The following SBF2 variants were observed in gnomAD, a reference collection of about 807,000 sequenced individuals.
The protein encoded by SBF2 is myotubularin-related protein 13.
SBF2 carries 112 observed loss-of-function variants against 225.2 expected under a neutral mutation model. The ratio of observed to expected loss-of-function variants is 0.50; its 90% CI spans 0.43 to 0.58. SBF2 has a LOEUF of 0.58. SBF2 is among the 20% of genes least tolerant of loss of function. SBF2 has a pLI of 0.00. For synonymous variants in SBF2, 763 were observed against 773.3 expected (o/e 0.99, Z 0.22); for missense variants, 1,996 against 2,206.2 (o/e 0.90, Z 1.91).
At chr11:10,278,807 A>C (rs923464565) in intron 1 of SBF2, among the ~76,000 whole-genome samples, 3 of 151,358 alleles carry the variant, frequency 2.0e-5, no homozygotes, top group Non-Finnish European at 2.9e-5. Flanking sequence ...AAAAAAAAGA[A>C]ATACAATTCC....
intron 16 of SBF2, among the ~76,000 whole-genome samples, chr11:9,954,890 A>C (rs1866061484): frequency 6.6e-6 from 1 of 152,080 alleles, no homozygotes; most frequent in Admixed American, 6.5e-5. Flanking sequence ...AAAGCTCCAA[A>C]ATGGTTTTTG....
At chr11:10,083,646 ATGG>A (rs1195603640) in intron 2 of SBF2, among the ~76,000 whole-genome samples, 1 of 152,234 alleles carries the variant, frequency 6.6e-6, no homozygotes, top group East Asian at 1.9e-4. Context: ...TATTCAATAA[ATGG>A]TGCTAGGGAA....
chr11:10,222,904 T>C (rs962319601), intron 1 of SBF2, among the ~76,000 whole-genome samples: 1 of 152,140 alleles, frequency 6.6e-6, no homozygotes, highest in African/African-American at 2.4e-5. Context: ...GGACAGATAA[T>C]GTCCTTTAGG....
chr11:10,239,311 A>G lies in SBF2; in HGVS notation c.56-45324T>C, dbSNP rs1162332277. On this transcript the variant is annotated intron_variant, in intron 1 of 39. Coordinates refer to ENST00000256190, the MANE Select transcript of SBF2 (RefSeq NM_030962.4). ...CCCTAACCAACTGCAATTAACCTAA[A>G]ACCAATAAGACTAAGATAAATAGAA... Among the ~76,000 whole-genome samples, 2 of 150,754 alleles carry G rather than the reference A, an allele frequency of 1.3e-5. 1 individual carries two copies. The highest frequency in any genetic ancestry group is 3.0e-5 in the Non-Finnish European group (2 of 67,430).
At chr11:9,939,722 C>T (rs1456897040) in intron 16 of SBF2, among the ~76,000 whole-genome samples, 3 of 152,128 alleles carry the variant, frequency 2.0e-5, no homozygotes, top group Non-Finnish European at 4.4e-5. Context: ...GCCCTTTGGA[C>T]AGCAACCTGC....
chr11:10,118,645 T>A (rs939769184), intron 2 of SBF2, among the ~76,000 whole-genome samples: 6 of 152,098 alleles, frequency 3.9e-5, no homozygotes, highest in African/African-American at 1.4e-4. Context: ...TAAAAATTGC[T>A]ACCATCCATT....
intron 16 of SBF2, among the ~76,000 whole-genome samples, chr11:9,921,241 TG>T (rs1206895222): frequency 1.3e-5 from 2 of 152,128 alleles, no homozygotes; most frequent in Non-Finnish European, 2.9e-5. Flanking sequence ...CGGCTAATTT[TG>T]TATTTTCAGT....
At chr11:10,264,259 C>T (rs1309410149) in intron 1 of SBF2, among the ~76,000 whole-genome samples, 4 of 152,120 alleles carry the variant, frequency 2.6e-5, no homozygotes, top group Admixed American at 2.6e-4. Context: ...AATCCAAATA[C>T]TCACAATACT....
chr11:10,015,129 C>A (rs1000548428), intron 6 of SBF2, among the ~76,000 whole-genome samples: 2 of 151,970 alleles, frequency 1.3e-5, no homozygotes, highest in African/African-American at 4.8e-5. Flanking sequence ...GCAAGACGCA[C>A]CCTGTCTCAA....
rs140552411 is a variant in SBF2, at chr11:9,939,640, C to A, written c.1860+22317G>T. On this transcript the variant is annotated intron_variant, in intron 16 of 39. Coordinates refer to ENST00000256190, the MANE Select transcript of SBF2 (RefSeq NM_030962.4). ...TAACAAACAACATTTACAAGAGCAA[C>A]TGAATCTGTTGTTGGTAAGGATATG... Among the ~76,000 whole-genome samples the A allele has an allele frequency of 4.1e-3, 626 of 152,240 alleles. 3 individuals are homozygous for A. Among genetic ancestry groups the A allele is most frequent in the African/African-American group, 0.014 (586 of 41,522 alleles).
chr11:10,243,204 A>C (rs1460013808), intron 1 of SBF2, among the ~76,000 whole-genome samples: 1 of 152,168 alleles, frequency 6.6e-6, no homozygotes, highest in Non-Finnish European at 1.5e-5. Flanking sequence ...TGTGGAAATT[A>C]AACAATATAT....
At chr11:9,832,203 G>C in intron 27 of SBF2, 21 bp downstream of exon 27, 2 of 1,599,528 alleles carry the variant, frequency 1.3e-6, no homozygotes, top group South Asian at 1.1e-5. Context: ...GGTGGTAATT[G>C]TGTTATAGAG....
chr11:9,805,662 T>G (rs530822201), intron 32 of SBF2, among the ~76,000 whole-genome samples: 3 of 152,188 alleles, frequency 2.0e-5, no homozygotes, highest in South Asian at 2.1e-4. Context: ...TCGCTCTGTC[T>G]CCCAGGCTGC....
At chr11:9,915,314 G>T (rs1862984939) in intron 16 of SBF2, among the ~76,000 whole-genome samples, 2 of 152,048 alleles carry the variant, frequency 1.3e-5, no homozygotes, top group African/African-American at 4.8e-5. Context: ...GGGCGTGGTG[G>T]CACGTGCCTG....
chr11:9,785,179 T>C lies in SBF2; in HGVS notation c.5177A>G (p.Glu1726Gly), dbSNP rs758654348. The change falls in exon 37 of 40, where the codon GAG becomes GGG. Residue 1726 changes from glutamate (E) to glycine (G), a missense_variant. By Grantham distance (98) the Glu-to-Gly change is moderately conservative. Coordinates refer to ENST00000256190, the MANE Select transcript of SBF2 (RefSeq NM_030962.4). ...NSSISPSNGV[E>G]RRAATLYSQY... ...GCTATAGAGCGTGGCTGCTCTTCGC[T>C]CCACTCCATTGGATGGGGAGATGCT... The C allele has an allele frequency of 6.2e-7, 1 of 1,614,028 alleles. No individual in the cohort carries two copies. Among genetic ancestry groups the C allele is most frequent in the East Asian group, 2.2e-5 (1 of 44,884 alleles).
intron 11 of SBF2, among the ~76,000 whole-genome samples, 179 bp from the exon 12 acceptor site, chr11:9,992,722 G>T (rs1379632613): frequency 1.3e-5 from 2 of 152,038 alleles, no homozygotes; most frequent in East Asian, 1.9e-4. Context: ...ATATTGAAAA[G>T]AATAAAAATG....
chr11:10,168,794 C>A (rs983984607), intron 2 of SBF2, among the ~76,000 whole-genome samples: 2 of 152,092 alleles, frequency 1.3e-5, no homozygotes, highest in Non-Finnish European at 1.5e-5. Context: ...CAGGGTTCCA[C>A]CTCATCTTTT....
intron 6 of SBF2, among the ~76,000 whole-genome samples, chr11:10,019,679 T>C (rs1590770269): frequency 6.6e-6 from 1 of 151,882 alleles, no homozygotes; most frequent in African/African-American, 2.4e-5. Flanking sequence ...GACGACTTCA[T>C]TTTTTCCCCT....
chr11:9,924,278 A>T (rs1184529441), intron 16 of SBF2, among the ~76,000 whole-genome samples: 1 of 152,206 alleles, frequency 6.6e-6, no homozygotes, highest in African/African-American at 2.4e-5. Context: ...AATAAATTAC[A>T]TGAGATATTT....
Sources: allele counts gnomAD v4.1 joint callset (sites outside exome capture counted in the v4.1 genomes callset), GRCh38; gene constraint gnomAD v4.1.1; transcripts MANE v1.5; gene names NCBI Gene and HGNC (gene_info 2026-07-23, HGNC 2026-07-21).